NVL: variants seen among roughly 807,000 people sequenced by gnomAD.
NVL encodes the protein nuclear VCP like, also known as nuclear valosin-containing protein-like.
In NVL, 84 loss-of-function variants were observed where a neutral mutation model predicts 110.2. The ratio of observed to expected loss-of-function variants is 0.76; its 90% CI spans 0.64 to 0.91. The LOEUF is 0.91. Ranked by LOEUF, NVL falls within the 40% of genes least tolerant of loss-of-function variation. The pLI, the probability that NVL is intolerant of heterozygous loss-of-function variation, is 0.00. For missense variants in NVL, 882 were observed against 1,035.9 expected (o/e 0.85, Z 2.04); for synonymous variants, 354 against 361.1 (o/e 0.98, Z 0.22).
chr1:224,303,502 T>A (rs1022757112), intron 9 of NVL, among the ~76,000 whole-genome samples: 4 of 146,830 alleles, frequency 2.7e-5, no homozygotes, highest in Non-Finnish European at 4.5e-5. Context: ...TTACATACAT[T>A]AAAAAAAAAA....
chr1:224,326,319 G>A (rs2102807234), intron 2 of NVL, 72 bp downstream of exon 2: 1 of 1,077,506 alleles, frequency 9.3e-7, no homozygotes, highest in South Asian at 1.5e-5. Context: ...TGGAAATTTA[G>A]GCAGGATATA....
At chr1:224,309,738 T>TA (rs918232069) in intron 5 of NVL, among the ~76,000 whole-genome samples, 8 of 151,994 alleles carry the variant, frequency 5.3e-5, no homozygotes, top group African/African-American at 1.9e-4. Context: ...TTTTAAGAAA[T>TA]AAAGTGTATG....
intron 18 of NVL, among the ~76,000 whole-genome samples, chr1:224,261,907 G>C (rs1260431831): frequency 6.6e-6 from 1 of 152,154 alleles, no homozygotes; most frequent in Non-Finnish European, 1.5e-5. Flanking sequence ...GCTGCAGTGA[G>C]TGGTGATTGC....
rs539051116 is a variant in NVL, at chr1:224,305,480, G to A, written c.616-314C>T. The A allele has an allele frequency of 2.8e-3, 609 of 215,784 alleles. 3 individuals are homozygous for A. Among genetic ancestry groups the A allele is most frequent in the African/African-American group, 0.013 (571 of 43,438 alleles). The allele number at this position is 215,784 out of a possible 1,614,324, so 13.4% of individuals were successfully genotyped here. ...TGGAAATTTGTGAAGCATCCCATAT[G>A]GGGAAAAAAAAAAAAAGAAAAAAGA... On this transcript the variant is annotated intron_variant, in intron 6 of 22. Coordinates refer to ENST00000281701, the MANE Select transcript of NVL (RefSeq NM_002533.4).
intron 16 of NVL, among the ~76,000 whole-genome samples, chr1:224,276,472 CAA>C (rs1665769228): frequency 6.6e-6 from 1 of 152,108 alleles, no homozygotes; most frequent in African/African-American, 2.4e-5. Context: ...CTCCTGAACT[CAA>C]ATATCCACCT....
At position 224,294,348 on chromosome 1, in the gene NVL, G is replaced by T. The variant is rs1465971407; in HGVS notation, c.1244C>A (p.Ser415Ter). The T allele has an allele frequency of 1.2e-6, 2 of 1,613,928 alleles. No individual in the cohort carries two copies. The highest frequency in any genetic ancestry group is 1.7e-6 in the Non-Finnish European group (2 of 1,180,026). Residue 415 changes from serine (S) to a stop codon, truncating the protein, a stop_gained, in exon 12 of 23, where the codon TCG becomes TAG. Transcript: ENST00000281701. LOFTEE classifies it high-confidence loss of function. ...LVIGATNRPD[S>*]LDPALRRAGR... The stretch of plus-strand genomic sequence containing the variant: ...CGCACGTCTCAAAGCAGGGTCTAAC[G>T]AGTCTGGTCGATTAGTAGCTCCAAT...
intron 18 of NVL, among the ~76,000 whole-genome samples, chr1:224,265,523 T>A (rs1313712821): frequency 1.3e-5 from 2 of 151,794 alleles, no homozygotes; most frequent in Admixed American, 6.6e-5. Flanking sequence ...AAATAAATAA[T>A]AAAATAAAAT....
intron 18 of NVL, chr1:224,257,029 A>T (rs1236713650): frequency 1.9e-6 from 1 of 525,488 alleles, no homozygotes; most frequent in East Asian, 5.5e-5. Flanking sequence ...TGTCAGAGAC[A>T]GAATTCTTTT....
intron 18 of NVL, among the ~76,000 whole-genome samples, chr1:224,253,550 TG>T (rs367736784): frequency 1.5e-4 from 23 of 150,588 alleles, no homozygotes; most frequent in African/African-American, 5.6e-4. Context: ...CTGGCCAACA[TG>T]GTGAAACCCC....
Position 224,268,149 on chromosome 1 carries a change from T to C in NVL, c.2083-16A>G. The C allele has an allele frequency of 6.4e-7, 1 of 1,566,386 alleles. No individual in the cohort carries two copies. Among genetic ancestry groups the C allele is most frequent in the Non-Finnish European group, 8.8e-7 (1 of 1,139,752 alleles). On this transcript the variant is annotated splice_polypyrimidine_tract_variant and intron_variant, in intron 17 of 22. Transcript: ENST00000281701. Reference sequence around the variant, plus strand: ...TTGCCCCTGTCTAAAAAGACATAAATCTGGTTCCATCAGCTCTCAATACAA... The same window carrying C: ...TTGCCCCTGTCTAAAAAGACATAAACCTGGTTCCATCAGCTCTCAATACAA...
At position 224,250,281 on chromosome 1, in the gene NVL, C is replaced by T. The variant is rs554384483; in HGVS notation, c.2220G>A (p.Leu740=). 3 of 1,603,316 alleles carry T rather than the reference C, an allele frequency of 1.9e-6. No individual in the cohort carries two copies. The highest frequency in any genetic ancestry group is 1.7e-5 in the Admixed American group (1 of 57,626). The part of the protein sequence containing the change: ...IDPAILRPGR[L]DKTLFVGLPP... ...GTAAACCCACAAACAGTGTTTTGTC[C>T]AGGCGGCCCGGGCGCAGGATTGCAG... The change falls in exon 19 of 23, where the codon CTG becomes CTA. Residue 740 remains leucine, a synonymous_variant. Transcript: ENST00000281701.
At chr1:224,287,737 A>G (rs367886366) in intron 14 of NVL, 38 bp downstream of exon 14, 26 of 1,560,796 alleles carry the variant, frequency 1.7e-5, no homozygotes, top group Non-Finnish European at 1.7e-5. Context: ...TCTTTAATCC[A>G]TGACATGCCA....
In NVL at chr1:224,233,244, G is replaced by A; in HGVS notation, c.2412C>T (p.Ala804=). The A allele has an allele frequency of 6.2e-7, 1 of 1,612,074 alleles. No individual in the cohort carries two copies. The highest frequency in any genetic ancestry group is 8.5e-7 in the Non-Finnish European group (1 of 1,179,260). The change falls in exon 21 of 23, where the codon GCC becomes GCT. Residue 804 remains alanine (A), a synonymous_variant. Transcript: ENST00000281701. ...TCTGTCTTGCCATTTCCTGTCTCAG[G>A]GCACAGATAGAAGCTTCTCGTACCA... The part of the protein sequence containing the change: ...SALVREASIC[A]LRQEMARQKS...
chr1:224,296,430 A>C, intron 11 of NVL, 71 bp downstream of exon 11: 1 of 771,264 alleles, frequency 1.3e-6, no homozygotes, highest in Non-Finnish European at 2.0e-6. Context: ...ATTATTTTTT[A>C]TCTTCATGTA....
chr1:224,288,500 A>G (rs1490599729), intron 13 of NVL, among the ~76,000 whole-genome samples: 1 of 152,240 alleles, frequency 6.6e-6, no homozygotes, highest in Non-Finnish European at 1.5e-5. Flanking sequence ...AGATGAAAGG[A>G]TAAGTCTAAA....
chr1:224,254,885 T>G (rs1423948357), intron 18 of NVL, among the ~76,000 whole-genome samples: 1 of 149,916 alleles, frequency 6.7e-6, no homozygotes, highest in African/African-American at 2.4e-5. Flanking sequence ...TAGTTTTTTT[T>G]TTTTTTTTTT....
chr1:224,311,747 A>G, intron 5 of NVL, 53 bp downstream of exon 5: 1 of 1,397,538 alleles, frequency 7.2e-7, no homozygotes, highest in Non-Finnish European at 1.0e-6. Flanking sequence ...GGGAGGTACC[A>G]TAACAACTAA....
chr1:224,227,848 C>G, intron 22 of NVL, 178 bp from the exon 23 acceptor site: 1 of 398,752 alleles, frequency 2.5e-6, no homozygotes, highest in Non-Finnish European at 4.8e-6. Flanking sequence ...CAGGTAGACT[C>G]TTATCCAATA....
chr1:224,254,575 T>TC (rs570474363), intron 18 of NVL, among the ~76,000 whole-genome samples: 2 of 144,636 alleles, frequency 1.4e-5, no homozygotes, highest in South Asian at 4.4e-4. Context: ...TTTTTTTGTT[T>TC]TTTTTTTTTT....
Sources: allele counts gnomAD v4.1 joint callset (sites outside exome capture counted in the v4.1 genomes callset), GRCh38; gene constraint gnomAD v4.1.1; transcripts MANE v1.5; gene names NCBI Gene and HGNC (gene_info 2026-07-23, HGNC 2026-07-21).